RAB38: variants seen among roughly 807,000 people sequenced by gnomAD.
RAB38 encodes RAB38, member RAS oncogene family, also known as ras-related protein Rab-38.
Under a neutral mutation model 18.4 loss-of-function variants are expected in RAB38, and 15 were observed. The ratio of observed to expected loss-of-function variants is 0.82; its 90% CI spans 0.55 to 1.26. The LOEUF is 1.26. RAB38 is among the 50% of genes most tolerant of loss of function. The pLI is 0.00. For synonymous variants in RAB38, 101 were observed against 104.4 expected (o/e 0.97, Z 0.20); for missense variants, 294 against 267.4 (o/e 1.10, Z -0.69).
chr11:87,936,760 A>G, the RAB38 span, among the ~76,000 whole-genome samples: 3 of 152,118 alleles, frequency 2.0e-5, no homozygotes, highest in Admixed American at 6.6e-5. Context: ...CTGATTATCA[A>G]TTTGGGGAGA....
At chr11:88,125,645 T>C (rs1279182087) in intron 2 of RAB38, among the ~76,000 whole-genome samples, 1 of 152,228 alleles carries the variant, frequency 6.6e-6, no homozygotes, top group South Asian at 2.1e-4. Flanking sequence ...ATTGCAAAAA[T>C]TGTCTCCCAT....
the RAB38 span, among the ~76,000 whole-genome samples, chr11:87,894,730 A>C: frequency 2.7e-5 from 4 of 149,532 alleles, no homozygotes; most frequent in East Asian, 2.0e-4. Flanking sequence ...TACACATTAT[A>C]TATATATAAA....
At chr11:88,131,771 G>A (rs998983701) in intron 2 of RAB38, among the ~76,000 whole-genome samples, 1 of 152,192 alleles carries the variant, frequency 6.6e-6, no homozygotes, top group Non-Finnish European at 1.5e-5. Context: ...TGCCCATTGA[G>A]TGCAGGTGGG....
chr11:88,135,995 T>C (rs1396279955), intron 2 of RAB38, among the ~76,000 whole-genome samples: 1 of 152,200 alleles, frequency 6.6e-6, no homozygotes, highest in Non-Finnish European at 1.5e-5. Flanking sequence ...GGAGCAAGCT[T>C]TGACAAGTAA....
the RAB38 span, among the ~76,000 whole-genome samples, chr11:88,034,709 T>C: frequency 6.6e-6 from 1 of 152,246 alleles, no homozygotes; most frequent in African/African-American, 2.4e-5. Flanking sequence ...TTTCTTTTAC[T>C]GTTGAGTTTC....
chr11:87,886,726 A>G, the RAB38 span, among the ~76,000 whole-genome samples: 1 of 151,966 alleles, frequency 6.6e-6, no homozygotes, highest in African/African-American at 2.4e-5. Flanking sequence ...CTTTCAATAA[A>G]CAAAGTAAGG....
the RAB38 span, among the ~76,000 whole-genome samples, chr11:88,080,384 A>C: frequency 1.3e-5 from 2 of 151,876 alleles, no homozygotes; most frequent in African/African-American, 4.8e-5. Flanking sequence ...TTGATGAAAA[A>C]AGTGTTTAAA....
At chr11:88,146,972 A>C (rs529542479) in intron 2 of RAB38, among the ~76,000 whole-genome samples, 2 of 152,312 alleles carry the variant, frequency 1.3e-5, no homozygotes, top group African/African-American at 4.8e-5. Context: ...AGCCAGTCCT[A>C]AAGGTACTAA....
At chr11:88,004,691 A>G in the RAB38 span, among the ~76,000 whole-genome samples, 1 of 151,232 alleles carries the variant, frequency 6.6e-6, no homozygotes, top group Non-Finnish European at 1.5e-5. Flanking sequence ...AAAGAAACAA[A>G]ATTATCTTTA....
intron 2 of RAB38, among the ~76,000 whole-genome samples, chr11:88,131,262 G>C (rs905736559): frequency 2.0e-5 from 3 of 152,140 alleles, no homozygotes; most frequent in African/African-American, 7.2e-5. Flanking sequence ...ATATAATTAA[G>C]AAGTATGACA....
the RAB38 span, among the ~76,000 whole-genome samples, chr11:87,804,951 G>A: frequency 6.6e-6 from 1 of 152,096 alleles, no homozygotes; most frequent in Non-Finnish European, 1.5e-5. Flanking sequence ...TTCAAAAAAA[G>A]TCGTTTGTCT....
chr11:87,869,646 A>T, the RAB38 span, among the ~76,000 whole-genome samples: 14 of 151,758 alleles, frequency 9.2e-5, 1 homozygote, highest in East Asian at 2.7e-3. Context: ...GAAGTTTTGA[A>T]CTGAAAAAAA....
At chr11:88,107,345 G>C in the RAB38 span, among the ~76,000 whole-genome samples, 1 of 151,786 alleles carries the variant, frequency 6.6e-6, no homozygotes, top group Admixed American at 6.6e-5. Flanking sequence ...TTTACCCTAG[G>C]GTCCCATATT....
At chr11:87,847,868 C>A in the RAB38 span, among the ~76,000 whole-genome samples, 2 of 152,032 alleles carry the variant, frequency 1.3e-5, no homozygotes, top group East Asian at 1.9e-4. Context: ...TGTCTATAGA[C>A]CTTCCTGTAA....
the RAB38 span, among the ~76,000 whole-genome samples, chr11:88,095,403 A>C: frequency 6.6e-6 from 1 of 151,328 alleles, no homozygotes; most frequent in Non-Finnish European, 1.5e-5. Context: ...TCATCCTCTC[A>C]GTCTATCAGC....
chr11:87,962,541 A>G, the RAB38 span, among the ~76,000 whole-genome samples: 1 of 152,274 alleles, frequency 6.6e-6, no homozygotes, highest in Admixed American at 6.5e-5. Context: ...GTCAAAGGAT[A>G]TGAAGATGGA....
chr11:87,895,125 G>C, the RAB38 span, among the ~76,000 whole-genome samples: 1 of 151,680 alleles, frequency 6.6e-6, no homozygotes, highest in African/African-American at 2.4e-5. Flanking sequence ...AGCACCCCCA[G>C]GTGTGAAATG....
chr11:87,973,069 C>T, the RAB38 span, among the ~76,000 whole-genome samples: 1 of 151,996 alleles, frequency 6.6e-6, no homozygotes, highest in African/African-American at 2.4e-5. Flanking sequence ...AGCCATGCTT[C>T]CTGCACAGCC....
At chr11:88,143,730 A>G (rs1468047701) in intron 2 of RAB38, among the ~76,000 whole-genome samples, 1 of 152,214 alleles carries the variant, frequency 6.6e-6, no homozygotes, top group Non-Finnish European at 1.5e-5. Flanking sequence ...CTGAGCTCTA[A>G]GTAGTGAAAA....
Sources: gnomAD v4.1 joint callset for allele counts (sites outside exome capture counted in the v4.1 genomes callset) on GRCh38, gnomAD v4.1.1 for gene constraint, MANE v1.5 for transcripts, NCBI Gene and HGNC (gene_info 2026-07-23, HGNC 2026-07-21) for gene names.